Variants in USP18 observed in about 807,000 individuals in gnomAD.
USP18 encodes ubiquitin specific peptidase 18.
USP18 carries 11 observed loss-of-function variants against 48.7 expected under a neutral mutation model. That is an observed-to-expected ratio of 0.23 (90% confidence interval 0.14 to 0.37). The LOEUF (loss-of-function observed/expected upper bound fraction) is 0.37, where lower values mean the gene tolerates loss of function less well. Among genes scored for constraint, USP18 ranks in the 10% least tolerant of loss-of-function variants. USP18 has a pLI of 1.00. For synonymous variants in USP18, 114 were observed against 163.2 expected (o/e 0.70, Z 2.30); for missense variants, 285 against 436.4 (o/e 0.65, Z 3.09).
At chr22:18,160,359 G>A (rs1249865915) in intron 3 of USP18, 91 bp downstream of exon 3, 70 of 1,476,522 alleles carry the variant, frequency 4.7e-5, no homozygotes, top group Non-Finnish European at 6.5e-5. Context: ...AGGCTGGAGT[G>A]CAGTGGCATG....
chr22:18,172,258 C>T (rs544578156), intron 8 of USP18, among the ~76,000 whole-genome samples: 2 of 152,300 alleles, frequency 1.3e-5, no homozygotes, highest in South Asian at 4.1e-4. Flanking sequence ...TTCACCCAAC[C>T]CTGTACTGGA....
chr22:18,168,638 C>CCTGCCT (rs1929547748), intron 6 of USP18, among the ~76,000 whole-genome samples: 2 of 152,224 alleles, frequency 1.3e-5, no homozygotes, highest in African/African-American at 4.8e-5. Flanking sequence ...TCATGATCCA[C>CCTGCCT]CTGCCTCAGC....
rs1275758068 is a variant in USP18, at chr22:18,157,850, T to G, written c.157+30T>G. The G allele has an allele frequency of 1.9e-6, 3 of 1,612,948 alleles. No individual in the cohort carries two copies. In the South Asian group the frequency reaches 3.3e-5, roughly 18 times the overall value. ...TTAGACCCCTCCCGTTTTCCTCTTC[T>G]TGACTGCATGTAAATGTTCGGCTCA... On this transcript the variant is annotated intron_variant, in intron 2 of 10. Coordinates refer to ENST00000215794, the MANE Select transcript of USP18 (RefSeq NM_017414.4).
intron 4 of USP18, among the ~76,000 whole-genome samples, chr22:18,164,974 C>T (rs5993026): frequency 0.046 from 6,922 of 151,596 alleles, 292 homozygotes; most frequent in African/African-American, 0.14. Flanking sequence ...CTTTTCCAAC[C>T]GGTTGCGATG....
chr22:18,175,970 C>G (rs1365596654), intron 10 of USP18, among the ~76,000 whole-genome samples: 1 of 141,984 alleles, frequency 7.0e-6, no homozygotes, highest in South Asian at 2.2e-4. Context: ...GGTGACAGAG[C>G]AAGAACGGTC....
At chr22:18,150,290 T>A (rs532371106) in intron 1 of USP18, 68 bp downstream of exon 1, 28 of 152,356 alleles carry the variant, frequency 1.8e-4, no homozygotes, top group African/African-American at 6.7e-4. Context: ...CCTATGCCAG[T>A]CAGATAATTA....
At chr22:18,151,054 A>G (rs1228350121) in intron 1 of USP18, among the ~76,000 whole-genome samples, 10 of 152,234 alleles carry the variant, frequency 6.6e-5, no homozygotes. Flanking sequence ...AGATACGGCA[A>G]TGAATATAAT....
chr22:18,156,385 G>A (rs1019235542), intron 1 of USP18, among the ~76,000 whole-genome samples: 2 of 152,186 alleles, frequency 1.3e-5, no homozygotes, highest in Non-Finnish European at 2.9e-5. Context: ...TCCATGCTGT[G>A]GAAGCTTTGT....
At position 18,173,433 on chromosome 22, in the gene USP18, G is replaced by A. The variant is rs1013336091; in HGVS notation, c.1023+152G>A. The A allele has an allele frequency of 4.1e-5, 47 of 1,156,700 alleles. No homozygotes were observed. In the East Asian group the frequency reaches 6.5e-4, roughly 16 times the overall value. 71.7% of individuals were successfully genotyped at this position (1,156,700 alleles called of 1,614,324 possible). On this transcript the variant is annotated intron_variant, in intron 9 of 10. Coordinates refer to ENST00000215794, the MANE Select transcript of USP18 (RefSeq NM_017414.4). Reference sequence around the variant, plus strand: ...TTTGATGAGGGTTCAAGCCTTTTTCGGTCTGAAGTCCCCATGTGGTTTGCA... The same window carrying A: ...TTTGATGAGGGTTCAAGCCTTTTTCAGTCTGAAGTCCCCATGTGGTTTGCA...
Position 18,173,728 on chromosome 22 carries a change from C to T in USP18, c.1024-65C>T, listed in dbSNP as rs2543698. The T allele has an allele frequency of 1.2e-4, 198 of 1,604,254 alleles. 1 individual carries two copies. In the African/African-American group the frequency reaches 1.6e-3, roughly 13 times the overall value. On this transcript the variant is annotated intron_variant, in intron 9 of 10. Transcript: ENST00000215794. ...CTGGAGGATGAGGGGCACATTATAG[C>T]ATCCTGTCCTCTGTGGGTGCTTGTG...
Position 18,166,452 on chromosome 22 carries a change from G to A in USP18, c.401-803G>A, listed in dbSNP as rs376792403. Among the ~76,000 whole-genome samples, 20 of 152,152 alleles carry A rather than the reference G, an allele frequency of 1.3e-4. No individual in the cohort carries two copies. The East Asian group carries it at 3.1e-3, about 23-fold the overall frequency. On this transcript the variant is annotated intron_variant, in intron 4 of 10. Transcript: ENST00000215794. ...AGGGCTTCTCAGTGAAAGGTTCTACGATTGCTGTTTTCCTGGGTGGCCATG... is the reference window on the plus strand; with the variant it reads ...AGGGCTTCTCAGTGAAAGGTTCTACAATTGCTGTTTTCCTGGGTGGCCATG...
rs935359691 is a variant in USP18 at position 18,167,002 on chromosome 22, G to A, written c.401-253G>A. Among the ~76,000 whole-genome samples the A allele has an allele frequency of 6.0e-4, 91 of 152,150 alleles. 1 individual carries two copies. The highest frequency in any genetic ancestry group is 3.4e-3 in the Middle Eastern group (1 of 294). ...GATCCTCCCACCTTGGCCTCCCGAA[G>A]TGTTAAGATTATAGGCATGAGCCAC... On this transcript the variant is annotated intron_variant, in intron 4 of 10. Coordinates refer to ENST00000215794, the MANE Select transcript of USP18 (RefSeq NM_017414.4).
intron 1 of USP18, among the ~76,000 whole-genome samples, chr22:18,152,183 A>T (rs1320029688): frequency 6.6e-6 from 1 of 152,232 alleles, no homozygotes; most frequent in African/African-American, 2.4e-5. Context: ...TGCTTGAATC[A>T]TGTTCCTGGC....
At chr22:18,174,391 C>T (rs897247562) in intron 10 of USP18, among the ~76,000 whole-genome samples, 11 of 151,654 alleles carry the variant, frequency 7.3e-5, no homozygotes, top group African/African-American at 2.7e-4. Flanking sequence ...CCACGCCCAG[C>T]TGATTGTTTT....
At chr22:18,169,516 C>T (rs1186217670) in intron 6 of USP18, among the ~76,000 whole-genome samples, 2 of 152,206 alleles carry the variant, frequency 1.3e-5, no homozygotes, top group African/African-American at 2.4e-5. Flanking sequence ...GCGGAGATTG[C>T]GGTGAACTGA....
chr22:18,174,252 A>G (rs1328029616), intron 10 of USP18, among the ~76,000 whole-genome samples: 6 of 135,948 alleles, frequency 4.4e-5, no homozygotes, highest in Admixed American at 7.5e-5. Context: ...TTTTTGACGG[A>G]GTCTCGCTCT....
chr22:18,167,625 G>A (rs1157050108), intron 5 of USP18, among the ~76,000 whole-genome samples: 1 of 149,464 alleles, frequency 6.7e-6, no homozygotes, highest in Non-Finnish European at 1.5e-5. Flanking sequence ...GTGAACCCGG[G>A]AAGCGGAGCT....
At chr22:18,169,683 G>A (rs997783552) in intron 6 of USP18, among the ~76,000 whole-genome samples, 161 bp from the exon 7 acceptor site, 2 of 152,204 alleles carry the variant, frequency 1.3e-5, no homozygotes, top group Non-Finnish European at 2.9e-5. Flanking sequence ...ATGCTGCCAT[G>A]CTTCCGGTTG....
chr22:18,164,219 C>A (rs971453264), intron 4 of USP18, among the ~76,000 whole-genome samples: 7 of 151,936 alleles, frequency 4.6e-5, no homozygotes, highest in African/African-American at 1.7e-4. Context: ...GTTTCCTGCT[C>A]TGTCAGCTCC....
Sources: allele counts gnomAD v4.1 joint callset (sites outside exome capture counted in the v4.1 genomes callset), GRCh38; gene constraint gnomAD v4.1.1; transcripts MANE v1.5; gene names NCBI Gene and HGNC (gene_info 2026-07-23, HGNC 2026-07-21).